TRIM27: variants seen among roughly 807,000 people sequenced by gnomAD.
TRIM27 encodes the protein tripartite motif containing 27.
In TRIM27, 12 loss-of-function variants were observed where a neutral mutation model predicts 57.6. The ratio of observed to expected loss-of-function variants is 0.21; its 90% CI spans 0.13 to 0.34. The LOEUF is 0.34. Ranked by LOEUF, TRIM27 falls within the 10% of genes least tolerant of loss-of-function variation. The pLI, the probability that TRIM27 is intolerant of heterozygous loss-of-function variation, is 1.00. For synonymous variants in TRIM27, 266 were observed against 259.0 expected (o/e 1.03, Z -0.26); for missense variants, 403 against 656.8 (o/e 0.61, Z 4.22).
chr6:28,916,089 G>C (rs1773579486), intron 3 of TRIM27, among the ~76,000 whole-genome samples: 1 of 151,360 alleles, frequency 6.6e-6, no homozygotes. Flanking sequence ...GCTAATTTTT[G>C]TATTTTTAGT....
intron 7 of TRIM27, chr6:28,905,768 T>C (rs1772726502): frequency 6.6e-6 from 1 of 152,252 alleles, no homozygotes; most frequent in African/African-American, 2.4e-5. Flanking sequence ...CTTCTTCTAA[T>C]GTCCAGTCCA....
intron 4 of TRIM27, among the ~76,000 whole-genome samples, chr6:28,909,762 T>A (rs193143257): frequency 1.3e-5 from 2 of 152,162 alleles, no homozygotes; most frequent in African/African-American, 4.8e-5. Context: ...CATGTTCAGA[T>A]AGAAAGGCAC....
At chr6:28,912,852 T>G (rs388035) in intron 3 of TRIM27, among the ~76,000 whole-genome samples, 2 of 151,880 alleles carry the variant, frequency 1.3e-5, no homozygotes, top group Non-Finnish European at 2.9e-5. Context: ...TAATTTAACA[T>G]GTTCATAATT....
At chr6:28,915,276 GT>G (rs1773515499) in intron 3 of TRIM27, 1 of 105,248 alleles carries the variant, frequency 9.5e-6, no homozygotes, top group Non-Finnish European at 1.9e-5. Context: ...TGCTCCATCT[GT>G]TTAAAAAAAT....
chr6:28,912,266 C>T (rs1040082649), intron 3 of TRIM27, among the ~76,000 whole-genome samples: 12 of 152,092 alleles, frequency 7.9e-5, no homozygotes, highest in African/African-American at 2.7e-4. Context: ...TCTGCCATCA[C>T]GCCCAGCTAA....
At chr6:28,915,310 A>G (rs1252939420) in intron 3 of TRIM27, 1 of 150,748 alleles carries the variant, frequency 6.6e-6, no homozygotes, top group Non-Finnish European at 1.5e-5. Context: ...AAAAAAAAAA[A>G]AAAAAAAGAA....
intron 7 of TRIM27, chr6:28,906,604 G>A: frequency 6.6e-6 from 1 of 152,036 alleles, no homozygotes; most frequent in East Asian, 1.9e-4. Context: ...ATATGGATCA[G>A]AGCCACTGCA....
intron 1 of TRIM27, 139 bp downstream of exon 1, chr6:28,923,074 G>T: frequency 9.7e-7 from 1 of 1,032,452 alleles, no homozygotes; most frequent in Non-Finnish European, 1.4e-6. Flanking sequence ...TGAGGCTCTG[G>T]AGCGGACAGA....
At position 28,904,046 on chromosome 6, in the gene TRIM27, C is replaced by A; in HGVS notation, c.*24G>T. The A allele has an allele frequency of 1.3e-6, 2 of 1,590,838 alleles. No individual in the cohort carries two copies. The highest frequency in any genetic ancestry group is 8.6e-7 in the Non-Finnish European group (1 of 1,164,026). ...CCTGGCGTAGGATTACAGCCAACAG[C>A]CCTTTTGGCCTGAATTCACCTCCTC... On this transcript the variant is annotated 3_prime_UTR_variant, in exon 8 of 8. Coordinates refer to ENST00000377199, the MANE Select transcript of TRIM27 (RefSeq NM_006510.5). This position sits in a 1 kb window ranked among gnomAD's most constrained non-coding sequence, Gnocchi z 6.1.
intron 6 of TRIM27, 76 bp downstream of exon 6, chr6:28,908,732 G>A (rs2269553): frequency 0.23 from 338,451 of 1,447,562 alleles, 42,033 homozygotes; most frequent in East Asian, 0.49. Flanking sequence ...CTTATCCCAC[G>A]TTTCCCACTT....
At chr6:28,920,425 GATT>G (rs1773934672) in intron 2 of TRIM27, among the ~76,000 whole-genome samples, 183 bp from the exon 3 acceptor site, 1 of 152,118 alleles carries the variant, frequency 6.6e-6, no homozygotes, top group Non-Finnish European at 1.5e-5. Context: ...TTACCCCAGT[GATT>G]ATTAAGACAT....
Position 28,909,041 on chromosome 6 carries a change from A to G in TRIM27, c.818T>C (p.Leu273Ser). The G allele has an allele frequency of 6.2e-7, 1 of 1,614,130 alleles. No homozygotes were observed. The highest frequency in any genetic ancestry group is 8.5e-7 in the Non-Finnish European group (1 of 1,180,018). ...GGCAAAAATGTGGATTTTCTCTTGCAAATCTGGAGGTGTGATCCAAGGTTC... is the reference window on the plus strand; with the variant it reads ...GGCAAAAATGTGGATTTTCTCTTGCGAATCTGGAGGTGTGATCCAAGGTTC... ...IPEPWITPPD[L>S]QEKIHIFAQK... Residue 273 changes from leucine (L) to serine (S), a missense_variant, in exon 5 of 8, where the codon TTG becomes TCG. Transcript: ENST00000377199.
At chr6:28,922,039 C>A (rs1216003656) in intron 1 of TRIM27, 52 bp from the exon 2 acceptor site, 11 of 1,321,816 alleles carry the variant, frequency 8.3e-6, no homozygotes, top group Non-Finnish European at 1.2e-5. Flanking sequence ...ACCTTAGCAT[C>A]AGCATGGTAC....
At chr6:28,923,136 G>GA (rs1774177469) in intron 1 of TRIM27, 77 bp downstream of exon 1, 3 of 1,428,186 alleles carry the variant, frequency 2.1e-6, no homozygotes, top group South Asian at 1.4e-5. Context: ...TTTCTAGGCG[G>GA]AAAAAAGGAA....
intron 4 of TRIM27, chr6:28,911,383 G>T: frequency 3.3e-6 from 1 of 307,352 alleles, no homozygotes; most frequent in Non-Finnish European, 5.9e-6. Context: ...ATTCTGAAAT[G>T]TATAGGAAGC....
At chr6:28,908,611 A>C (rs1581490444) in intron 6 of TRIM27, 197 bp downstream of exon 6, 3 of 560,560 alleles carry the variant, frequency 5.4e-6, no homozygotes, top group Non-Finnish European at 9.5e-6. Context: ...GAATTGACTA[A>C]ATACAGTTAA....
At chr6:28,922,081 T>C in intron 1 of TRIM27, 94 bp from the exon 2 acceptor site, 1 of 940,324 alleles carries the variant, frequency 1.1e-6, no homozygotes, top group South Asian at 1.4e-5. Context: ...ACACACCTGA[T>C]GCCAAGTCTC....
intron 4 of TRIM27, among the ~76,000 whole-genome samples, chr6:28,909,409 A>G (rs573607873): frequency 2.0e-5 from 3 of 152,280 alleles, no homozygotes; most frequent in East Asian, 1.9e-4. Flanking sequence ...GTCCGGCCCA[A>G]GTAAATTCTT....
In TRIM27 at chr6:28,923,700, C is replaced by T; in HGVS notation, c.-68G>A. ...GAGCTCTGCACTGAGCCCAACTCTC[C>T]GGCGCTCTCTCCGGTTCGCTGTTCC... On this transcript the variant is annotated 5_prime_UTR_variant, in exon 1 of 8. Coordinates refer to ENST00000377199, the MANE Select transcript of TRIM27 (RefSeq NM_006510.5). The T allele has an allele frequency of 2.8e-6, 4 of 1,426,700 alleles. No homozygotes were observed. Among genetic ancestry groups the T allele is most frequent in the East Asian group, 5.1e-5 (2 of 39,392 alleles). The allele number at this position is 1,426,700 out of a possible 1,614,324, so 88.4% of individuals were successfully genotyped here.
Sources: allele counts gnomAD v4.1 joint callset (sites outside exome capture counted in the v4.1 genomes callset), GRCh38; gene constraint gnomAD v4.1.1; non-coding constraint Gnocchi (gnomAD v3.1); transcripts MANE v1.5; gene names NCBI Gene and HGNC (gene_info 2026-07-23, HGNC 2026-07-21).